Variants in ATRX observed in about 807,000 individuals in gnomAD.
ATRX encodes chromatin remodeler ATRX.
A neutral mutation model predicts 172.6 loss-of-function variants in ATRX; 12 were observed. The ratio of observed to expected loss-of-function variants is 0.07; its 90% CI spans 0.04 to 0.11. ATRX has a LOEUF of 0.11. Among genes scored for constraint, ATRX ranks in the 10% least tolerant of loss-of-function variants. ATRX has a pLI of 1.00. For missense variants in ATRX, 1,368 were observed against 1,767.4 expected (o/e 0.77, Z 4.05); for synonymous variants, 674 against 594.7 (o/e 1.13, Z -1.94).
chrX:77,759,940 A>C (rs782032356), intron 1 of ATRX, among the ~76,000 whole-genome samples: 1 of 110,902 alleles, frequency 9.0e-6, no homozygotes, highest in Non-Finnish European at 1.9e-5. Context: ...AATATATCAG[A>C]TTTTTTCAGA....
intron 1 of ATRX, among the ~76,000 whole-genome samples, chrX:77,773,550 G>A (rs1458419489): frequency 9.1e-6 from 1 of 110,376 alleles, no homozygotes; most frequent in Non-Finnish European, 1.9e-5. Context: ...TCAGGATATC[G>A]AGACCATCCT....
intron 6 of ATRX, 38 bp from the exon 7 acceptor site, chrX:77,688,965 C>T (rs2148657702): frequency 9.6e-7 from 1 of 1,043,247 alleles, no homozygotes; most frequent in Non-Finnish European, 1.3e-6. Context: ...CACATTTATA[C>T]ACAGAAAAAG....
At chrX:77,679,549 A>G (rs1176235432) in intron 9 of ATRX, among the ~76,000 whole-genome samples, 3 of 112,000 alleles carry the variant, frequency 2.7e-5, no homozygotes, top group East Asian at 2.8e-4. Context: ...TAATGAATTC[A>G]TATTAATTAT....
chrX:77,542,287 C>G (rs1472183523), intron 30 of ATRX, among the ~76,000 whole-genome samples: 1 of 111,568 alleles, frequency 9.0e-6, no homozygotes, highest in East Asian at 2.8e-4. Context: ...TCAAGGAGAA[C>G]TACAAACCAC....
At chrX:77,662,391 T>C (rs1489446610) in intron 12 of ATRX, among the ~76,000 whole-genome samples, 5 of 112,378 alleles carry the variant, frequency 4.4e-5, no homozygotes, top group Non-Finnish European at 1.9e-5. Context: ...AAGTTCTGCA[T>C]ATAAGCTTGC....
intron 1 of ATRX, among the ~76,000 whole-genome samples, chrX:77,741,182 C>T (rs1436079782): frequency 9.0e-6 from 1 of 110,792 alleles, no homozygotes; most frequent in African/African-American, 3.3e-5. Flanking sequence ...CACTGCACTC[C>T]AGCCCAAGCA....
chrX:77,641,272 C>T (rs782771488), intron 15 of ATRX, among the ~76,000 whole-genome samples: 2 of 110,931 alleles, frequency 1.8e-5, no homozygotes, highest in Admixed American at 1.9e-4. Context: ...TAAAGTGAGA[C>T]AGCTGATTAA....
rs1217048215 is a variant in ATRX, at chrX:77,661,648, G to A, written c.4120+1734C>T. On this transcript the variant is annotated intron_variant, in intron 12 of 34. Coordinates refer to ENST00000373344, the MANE Select transcript of ATRX (RefSeq NM_000489.6). ...CCTAGTCATCAAAAAGCCCACCACA[G>A]CAACAACAAAAAAATTCTTTGAACT... 9.0e-5 allele frequency among the ~76,000 whole-genome samples: 10 copies of A among 110,534 alleles called. No homozygotes were observed. In the Admixed American group the frequency reaches 9.7e-4, roughly 11 times the overall value.
chrX:77,515,662 A>C (rs2063029755), intron 34 of ATRX, among the ~76,000 whole-genome samples: 1 of 111,894 alleles, frequency 8.9e-6, no homozygotes, highest in Admixed American at 9.5e-5. Flanking sequence ...ATGCCTCTGC[A>C]TTTGGTTTAT....
chrX:77,581,707 G>A (rs2065830804), intron 27 of ATRX, among the ~76,000 whole-genome samples: 1 of 111,994 alleles, frequency 8.9e-6, no homozygotes, highest in African/African-American at 3.2e-5. Context: ...CATATTTACA[G>A]AATATTTCAT....
intron 2 of ATRX, among the ~76,000 whole-genome samples, chrX:77,714,305 AC>A (rs2073257608): frequency 1.8e-5 from 2 of 111,456 alleles, no homozygotes; most frequent in South Asian, 7.6e-4. Context: ...CTTGACTTTG[AC>A]CTTGTGATAG....
chrX:77,673,536 C>T (rs1256089408), intron 10 of ATRX, among the ~76,000 whole-genome samples: 2 of 110,825 alleles, frequency 1.8e-5, no homozygotes, highest in Non-Finnish European at 3.8e-5. Flanking sequence ...ATATTCTGTC[C>T]TTGTTCATTA....
At chrX:77,608,079 C>A (rs1406418943) in intron 22 of ATRX, among the ~76,000 whole-genome samples, 1 of 110,688 alleles carries the variant, frequency 9.0e-6, no homozygotes, top group Admixed American at 9.6e-5. Flanking sequence ...ATCGTACTAG[C>A]ATAAAAAAGA....
At chrX:77,694,057 T>C (rs1376801219) in intron 5 of ATRX, 120 bp from the exon 6 acceptor site, 1 of 577,646 alleles carries the variant, frequency 1.7e-6, no homozygotes, top group East Asian at 3.5e-5. Context: ...AAGCTTTAGA[T>C]ATTGGTGTAA....
rs139948612 is a variant in ATRX, at chrX:77,506,897, CTTTTTTTTTTT to C, written c.*1443_*1453del. The C allele has an allele frequency of 2.2e-4, 13 of 60,051 alleles. No individual in the cohort carries two copies. The highest frequency in any genetic ancestry group is 1.8e-3 in the East Asian group (9 of 4,941). 4.9% of individuals were successfully genotyped at this position (60,051 alleles called of 1,213,427 possible). ...TAAAGCAAAGCCCAAACCCAGTTTT[CTTTTTTTTTTT>C]TTTTTTTTTTTTTTTGGAATTCTTA... On this transcript the variant is annotated 3_prime_UTR_variant, in exon 35 of 35. Transcript: ENST00000373344.
chrX:77,543,522 G>A (rs1472122326), intron 30 of ATRX, among the ~76,000 whole-genome samples: 3 of 111,404 alleles, frequency 2.7e-5, no homozygotes, highest in African/African-American at 9.8e-5. Context: ...TGTTTATTGC[G>A]GCACTATTCA....
chrX:77,733,022 C>CA (rs2074368738), intron 1 of ATRX, among the ~76,000 whole-genome samples: 1 of 111,808 alleles, frequency 8.9e-6, no homozygotes, highest in Admixed American at 9.5e-5. Flanking sequence ...ACAGACTCTA[C>CA]AAAAAAACTA....
At chrX:77,558,620 A>G (rs1434443110) in intron 29 of ATRX, 49 bp downstream of exon 29, 2 of 1,043,990 alleles carry the variant, frequency 1.9e-6, no homozygotes, top group African/African-American at 3.7e-5. Context: ...CTAAAATATT[A>G]TCAGTTTCAC....
intron 22 of ATRX, among the ~76,000 whole-genome samples, chrX:77,604,079 T>A (rs1430661963): frequency 8.9e-6 from 1 of 111,734 alleles, no homozygotes; most frequent in African/African-American, 3.3e-5. Context: ...CTGGAGAAAA[T>A]CATTCTGGAC....
Sources: gnomAD v4.1 joint callset for allele counts (sites outside exome capture counted in the v4.1 genomes callset) on GRCh38, gnomAD v4.1.1 for gene constraint, MANE v1.5 for transcripts, NCBI Gene and HGNC (gene_info 2026-07-23, HGNC 2026-07-21) for gene names.